The following BOD1L1 variants were observed in gnomAD, a reference collection of about 807,000 sequenced individuals.
The protein encoded by BOD1L1 is biorientation of chromosomes in cell division protein 1-like 1.
A neutral mutation model predicts 240.7 loss-of-function variants in BOD1L1; 86 were observed. The ratio of observed to expected loss-of-function variants is 0.36; its 90% CI spans 0.30 to 0.43. The LOEUF is 0.43. BOD1L1 is among the 20% of genes least tolerant of loss of function. The pLI, the probability that BOD1L1 is intolerant of heterozygous loss-of-function variation, is 1.00. For synonymous variants in BOD1L1, 1,268 were observed against 1,272.3 expected, an observed-to-expected ratio of 1.00 and a Z score of 0.07; for missense variants, 3,554 against 3,643.5, an observed-to-expected ratio of 0.98 and a Z score of 0.63.
chr4:13,608,999 G>T (rs1057415723), intron 7 of BOD1L1, among the ~76,000 whole-genome samples: 1 of 152,024 alleles, frequency 6.6e-6, no homozygotes, highest in African/African-American at 2.4e-5. Flanking sequence ...CACCAGCAAG[G>T]GTTGATAACT....
At chr4:13,584,736 G>A (rs1393422010) in intron 17 of BOD1L1, among the ~76,000 whole-genome samples, 2 of 151,944 alleles carry the variant, frequency 1.3e-5, no homozygotes, top group African/African-American at 4.8e-5. Context: ...TATTTTTCCA[G>A]TGCCTGGAAT....
At chr4:13,583,413 A>G (rs1195621315) in intron 17 of BOD1L1, among the ~76,000 whole-genome samples, 3 of 152,252 alleles carry the variant, frequency 2.0e-5, no homozygotes, top group Non-Finnish European at 4.4e-5. Context: ...ATTTTTTAAT[A>G]GAAATATATT....
At chr4:13,610,464 G>T (rs1248638181) in intron 6 of BOD1L1, among the ~76,000 whole-genome samples, 2 of 152,212 alleles carry the variant, frequency 1.3e-5, no homozygotes, top group Non-Finnish European at 2.9e-5. Context: ...CTGACATGCT[G>T]TCACAAGTGG....
At chr4:13,620,608 A>G (rs140387063) in intron 1 of BOD1L1, among the ~76,000 whole-genome samples, 3 of 152,314 alleles carry the variant, frequency 2.0e-5, no homozygotes, top group African/African-American at 7.2e-5. Flanking sequence ...GGTGCTAAAA[A>G]GCTTTGGTTA....
At chr4:13,621,941 T>A (rs918797432) in intron 1 of BOD1L1, among the ~76,000 whole-genome samples, 2 of 147,144 alleles carry the variant, frequency 1.4e-5, no homozygotes, top group Non-Finnish European at 3.0e-5. Flanking sequence ...CTCGGCTCAC[T>A]GGAACCTCCA....
chr4:13,575,717 G>C (rs16888834), intron 25 of BOD1L1, among the ~76,000 whole-genome samples: 3 of 152,038 alleles, frequency 2.0e-5, no homozygotes, highest in Non-Finnish European at 4.4e-5. Flanking sequence ...AGTGATTAAC[G>C]GTTAGGATGA....
intron 2 of BOD1L1, among the ~76,000 whole-genome samples, chr4:13,617,650 T>C (rs773676346): frequency 2.6e-5 from 4 of 152,228 alleles, no homozygotes; most frequent in Admixed American, 6.5e-5. Context: ...AAATAAAAGC[T>C]TAAGTAGAAT....
Position 13,599,725 on chromosome 4 carries a change from C to T in BOD1L1, c.7175G>A (p.Gly2392Glu). 6.2e-7 allele frequency: 1 copy of T among 1,613,786 alleles called. No individual in the cohort carries two copies. The highest frequency in any genetic ancestry group is 1.1e-5 in the South Asian group (1 of 91,076). ...CAACACGGGACCCGGTTCTTTGCCT[C>T]CCCTGACTGGCCCAGGACACCGACA... ...NNCRCPGPVR[G>E]GKEPGPVLAV... Residue 2392 changes from glycine (G) to glutamate (E), a missense_variant, in exon 10 of 26, where the codon GGA becomes GAA. Physicochemically the swap from Gly to Glu is moderately conservative, Grantham distance 98 (BLOSUM62 -2). Coordinates refer to ENST00000040738, the MANE Select transcript of BOD1L1 (RefSeq NM_148894.3).
intron 22 of BOD1L1, chr4:13,577,902 A>C: frequency 6.6e-6 from 2 of 301,456 alleles, no homozygotes; most frequent in South Asian, 4.8e-5. Flanking sequence ...GTTGGATTAG[A>C]CTACTTTTTT....
In BOD1L1 at chr4:13,577,494, G is replaced by A; in HGVS notation, c.8800-7C>T. On this transcript the variant is annotated splice_region_variant and splice_polypyrimidine_tract_variant and intron_variant, in intron 23 of 25. Coordinates refer to ENST00000040738, the MANE Select transcript of BOD1L1 (RefSeq NM_148894.3). ...TTTTTTCTTCACCATCATCCTAGAA[G>A]CAATAAAATTAAAGTCAAAAGGGTG... is the stretch of plus-strand genomic sequence containing the variant. 1 of 1,612,688 alleles carries A rather than the reference G, an allele frequency of 6.2e-7. No individual in the cohort carries two copies. Among genetic ancestry groups the A allele is most frequent in the Non-Finnish European group, 8.5e-7 (1 of 1,179,314 alleles).
intron 15 of BOD1L1, among the ~76,000 whole-genome samples, 199 bp from the exon 16 acceptor site, chr4:13,587,970 G>C (rs1365418125): frequency 6.6e-6 from 1 of 152,092 alleles, no homozygotes; most frequent in Admixed American, 6.5e-5. Context: ...CGGATCACGA[G>C]GTCAGGAGAT....
chr4:13,601,619 C>T lies in BOD1L1; in HGVS notation c.5281G>A (p.Val1761Ile). The T allele has an allele frequency of 6.2e-7, 1 of 1,614,010 alleles. No homozygotes were observed. Residue 1761 changes from valine to isoleucine, a missense_variant, in exon 10 of 26, where the codon GTC becomes ATC. Physicochemically the swap from Val to Ile is conservative, Grantham distance 29 (BLOSUM62 3). This residue lies in a region of BOD1L1 where 3,393 missense variants were observed against 3,427.1 expected (regional missense o/e 0.99). Coordinates refer to ENST00000040738, the MANE Select transcript of BOD1L1 (RefSeq NM_148894.3). ...EERMVTGAGVVLGDNDAPPGT... is the reference protein window; with the variant it reads ...EERMVTGAGVILGDNDAPPGT... ...GGTGGTGCATCATTATCTCCCAGGA[C>T]AACACCTGCACCTGTAACCATGCGT...
Position 13,599,148 on chromosome 4 carries a change from CATT to C in BOD1L1, c.7749_7751del (p.Met2584del), listed in dbSNP as rs533419431. The C allele has an allele frequency of 7.9e-5, 128 of 1,613,930 alleles. No individual in the cohort carries two copies. The highest frequency in any genetic ancestry group is 2.7e-4 in the Admixed American group (16 of 60,010). On this transcript the variant is annotated inframe_deletion, in exon 10 of 26. Coordinates refer to ENST00000040738, the MANE Select transcript of BOD1L1 (RefSeq NM_148894.3). ...CTACACTGTAAGTAGCTGGAGGGAT[CATT>C]GTGTGGGAAGGAGCAATTTTTGATT...
At chr4:13,627,069 C>A (rs1717450109) in intron 1 of BOD1L1, among the ~76,000 whole-genome samples, 1 of 152,192 alleles carries the variant, frequency 6.6e-6, no homozygotes, top group African/African-American at 2.4e-5. Flanking sequence ...CTACTGTTAG[C>A]GCCACTGTTT....
At chr4:13,587,860 T>C in intron 15 of BOD1L1, 89 bp from the exon 16 acceptor site, 2 of 901,082 alleles carry the variant, frequency 2.2e-6, no homozygotes, top group South Asian at 3.4e-5. Context: ...TTCTAACCTT[T>C]GGAATAAGTT....
rs1715053394 is a variant in BOD1L1 at position 13,600,623 on chromosome 4, C to T, written c.6277G>A (p.Gly2093Arg). 1 of 1,613,790 alleles carries T rather than the reference C, an allele frequency of 6.2e-7. No individual in the cohort carries two copies. The highest frequency in any genetic ancestry group is 8.5e-7 in the Non-Finnish European group (1 of 1,179,846). ...PQVSAITDVE[G>R]GLSDALRTEE... ...GTTCTCAGAGCATCTGAGAGACCTC[C>T]TTCCACATCTGTAATTGCGCTTACC... Residue 2093 changes from glycine (G) to arginine (R), a missense_variant, in exon 10 of 26, where the codon GGA (glycine) becomes AGA (arginine). Gly to Arg is a moderately radical substitution (Grantham distance 125, BLOSUM62 -2). Transcript: ENST00000040738.
At chr4:13,590,243 G>C (rs1293080418) in intron 14 of BOD1L1, 143 bp downstream of exon 14, 2 of 469,832 alleles carry the variant, frequency 4.3e-6, no homozygotes, top group African/African-American at 4.1e-5. Flanking sequence ...TCCTGATGCT[G>C]TTAACTATCA....
rs767721553 is a variant in BOD1L1 at position 13,581,154 on chromosome 4, A to G, written c.8646T>C (p.Pro2882=). Residue 2882 remains proline (P), a synonymous_variant, in exon 20 of 26, where the codon CCT becomes CCC. Coordinates refer to ENST00000040738, the MANE Select transcript of BOD1L1 (RefSeq NM_148894.3). Reference sequence around the variant, plus strand: ...TACTCATTTTTAACGTTGTTTCTACAGGGTATTTGCGAGGTCTTCCTCTTT... The same window carrying G: ...TACTCATTTTTAACGTTGTTTCTACGGGGTATTTGCGAGGTCTTCCTCTTT... The part of the protein sequence containing the change: ...KRKRGRPRKY[P]VETTLKMKDD... 1.3e-6 allele frequency: 2 copies of G among 1,577,142 alleles called. No homozygotes were observed. Among genetic ancestry groups the G allele is most frequent in the Non-Finnish European group, 1.7e-6 (2 of 1,159,392 alleles).
At position 13,569,685 on chromosome 4, in the gene BOD1L1, G is replaced by A. The variant is rs1712035593; in HGVS notation, c.*326C>T. 5.5e-6 allele frequency: 1 copy of A among 183,430 alleles called. No homozygotes were observed. The highest frequency in any genetic ancestry group is 2.3e-5 in the African/African-American group (1 of 42,586). The allele number at this position is 183,430 out of a possible 1,614,324, so 11.4% of individuals were successfully genotyped here. A position where few individuals can be genotyped will look rare whatever the true frequency, so the allele number is the denominator to read the frequency against. ...ACACAGATTACCAGTAGGCAGCCTG[G>A]CGTCTGATGGGCTGGAGGGGTTTGC... On this transcript the variant is annotated 3_prime_UTR_variant, in exon 26 of 26. Coordinates refer to ENST00000040738, the MANE Select transcript of BOD1L1 (RefSeq NM_148894.3).
Sources: allele counts gnomAD v4.1 joint callset (sites outside exome capture counted in the v4.1 genomes callset), GRCh38; gene constraint gnomAD v4.1.1; regional missense constraint gnomAD v4.1.1; transcripts MANE v1.5; gene names NCBI Gene and HGNC (gene_info 2026-07-23, HGNC 2026-07-21).